CLCN1: variants seen among roughly 807,000 people sequenced by gnomAD.
CLCN1 encodes chloride voltage-gated channel 1.
Under a neutral mutation model 114.5 loss-of-function variants are expected in CLCN1, and 100 were observed. The observed-to-expected ratio is 0.87, with a 90% CI of 0.74 to 1.03. The LOEUF (loss-of-function observed/expected upper bound fraction) is 1.03. CLCN1 is among the 50% of genes least tolerant of loss of function. The pLI, the probability that CLCN1 is intolerant of heterozygous loss-of-function variation, is 0.00. For missense variants in CLCN1, 1,188 were observed against 1,250.0 expected, an observed-to-expected ratio of 0.95 and a Z score of 0.75; for synonymous variants, 485 against 487.1, an observed-to-expected ratio of 1.00 and a Z score of 0.06.
At chr7:143,336,125 G>A (rs1802880856) in intron 12 of CLCN1, among the ~76,000 whole-genome samples, 1 of 152,016 alleles carries the variant, frequency 6.6e-6, no homozygotes, top group South Asian at 2.1e-4. Flanking sequence ...TTGTTACCTA[G>A]TATCACTAAG....
At chr7:143,329,572 G>T (rs1258072192) in intron 7 of CLCN1, among the ~76,000 whole-genome samples, 1 of 152,100 alleles carries the variant, frequency 6.6e-6, no homozygotes, top group Non-Finnish European at 1.5e-5. Context: ...GGTGGTCCTG[G>T]GGGATTCAAG....
At chr7:143,320,137 T>C (rs1234712264) in intron 2 of CLCN1, among the ~76,000 whole-genome samples, 1 of 152,150 alleles carries the variant, frequency 6.6e-6, no homozygotes, top group Non-Finnish European at 1.5e-5. Flanking sequence ...TATAGGCACA[T>C]GCCACCATGC....
intron 12 of CLCN1, among the ~76,000 whole-genome samples, chr7:143,338,209 T>C (rs144704824): frequency 5.7e-4 from 87 of 152,270 alleles, no homozygotes; most frequent in African/African-American, 1.9e-3. Flanking sequence ...TCAATTTCTA[T>C]TGGAGTTCTA....
chr7:143,331,143 AG>A, intron 8 of CLCN1, 88 bp from the exon 9 acceptor site: 1 of 1,114,140 alleles, frequency 9.0e-7, no homozygotes, highest in Non-Finnish European at 1.4e-6. Context: ...GGAGGAAGGA[AG>A]GAATTAATCC....
intron 16 of CLCN1, among the ~76,000 whole-genome samples, chr7:143,343,900 C>A (rs374277119): frequency 6.6e-6 from 1 of 152,118 alleles, no homozygotes; most frequent in South Asian, 2.1e-4. Flanking sequence ...AGTGCAATGG[C>A]GCCATCTTGG....
At position 143,321,580 on chromosome 7, in the gene CLCN1, G is replaced by C. The variant is rs1802435898; in HGVS notation, c.562+87G>C. On this transcript the variant is annotated intron_variant, in intron 4 of 22. Transcript: ENST00000343257. This position sits in a 1 kb window ranked among gnomAD's most constrained non-coding sequence, Gnocchi z 4.2. ...CCCCCATCATCCAGCCCCACCCACA[G>C]CCCTGTGCTGCCTTGCCCCATCCTC... 6.2e-7 allele frequency: 1 copy of C among 1,607,498 alleles called. No homozygotes were observed. The highest frequency in any genetic ancestry group is 1.7e-4 in the Middle Eastern group (1 of 6,050).
intron 1 of CLCN1, among the ~76,000 whole-genome samples, chr7:143,317,240 A>G (rs1260613331): frequency 6.8e-6 from 1 of 147,892 alleles, no homozygotes; most frequent in Non-Finnish European, 1.5e-5. Context: ...GCAGTTGGCC[A>G]GAACTTTTTT....
At chr7:143,316,522 G>A (rs193023003) in intron 1 of CLCN1, 130 bp downstream of exon 1, 241 of 807,564 alleles carry the variant, frequency 3.0e-4, no homozygotes, top group African/African-American at 2.8e-3. Flanking sequence ...AAACAAGTAC[G>A]TGGTGATGTG....
In CLCN1 at chr7:143,350,621, G is replaced by A. The variant is rs1563090209; in HGVS notation, c.2562G>A (p.Met854Ile). 3 of 1,614,128 alleles carry A rather than the reference G, an allele frequency of 1.9e-6. No homozygotes were observed. Among genetic ancestry groups the A allele is most frequent in the Non-Finnish European group, 2.5e-6 (3 of 1,180,010 alleles). Residue 854 changes from methionine to isoleucine, a missense_variant, in exon 22 of 23, where the codon ATG becomes ATA. By Grantham distance (10) the Met-to-Ile change is conservative (BLOSUM62 1). Coordinates refer to ENST00000343257, the MANE Select transcript of CLCN1 (RefSeq NM_000083.3). This position sits in a 1 kb window ranked among gnomAD's most constrained non-coding sequence, Gnocchi z 5.1. The part of the protein sequence containing the change: ...LGLHLAYVTS[M>I]GKLRGVLALE... ...TCCACCTCGCTTACGTGACCAGCAT[G>A]GGGAAGCTCAGGGGCGTCCTGGCCC...
At position 143,346,257 on chromosome 7, in the gene CLCN1, G is replaced by T. The variant is rs751572848; in HGVS notation, c.2284+6G>T. 1.3e-6 allele frequency: 2 copies of T among 1,588,438 alleles called. No homozygotes were observed. The highest frequency in any genetic ancestry group is 1.1e-5 in the South Asian group (1 of 90,546). On this transcript the variant is annotated splice_donor_region_variant and intron_variant, in intron 18 of 22. Coordinates refer to ENST00000343257, the MANE Select transcript of CLCN1 (RefSeq NM_000083.3). ...GGAAGCACCAGAGCCTGCAGGTGAC[G>T]CTCTTCCCTCATGCACCCCAACTCA...
chr7:143,323,399 C>A lies in CLCN1; in HGVS notation c.774+13C>A, dbSNP rs764670429. On this transcript the variant is annotated intron_variant, in intron 6 of 22. Transcript: ENST00000343257. ...CGGGGTATATGAGGTAAGGTTGAGA[C>A]AGTGAAATGAGCTGGGGCCAGGTGG... is the stretch of plus-strand genomic sequence containing the variant. The A allele has an allele frequency of 1.9e-6, 3 of 1,592,864 alleles. No homozygotes were observed. The highest frequency in any genetic ancestry group is 2.6e-6 in the Non-Finnish European group (3 of 1,160,598).
rs755611007 is a variant in CLCN1, at chr7:143,342,555, G to A, written c.1930+50G>A. On this transcript the variant is annotated intron_variant, in intron 16 of 22. Coordinates refer to ENST00000343257, the MANE Select transcript of CLCN1 (RefSeq NM_000083.3). ...TCCAGAGCTAGTGACCTGAATAAGG[G>A]TCACATAGAGGTAGAGGAGGCCCCA... 2.5e-6 allele frequency: 4 copies of A among 1,603,764 alleles called. No homozygotes were observed. In the South Asian group the frequency reaches 4.4e-5, roughly 18 times the overall value.
intron 20 of CLCN1, 127 bp downstream of exon 20, chr7:143,347,076 A>T (rs541633833): frequency 7.7e-5 from 67 of 870,310 alleles, no homozygotes; most frequent in Admixed American, 6.4e-4. Context: ...GTGTTTTGAG[A>T]GGATGGAAAT....
At chr7:143,333,392 G>A (rs1332065508) in intron 12 of CLCN1, among the ~76,000 whole-genome samples, 1 of 151,890 alleles carries the variant, frequency 6.6e-6, no homozygotes, top group East Asian at 1.9e-4. Context: ...ACTTAGTGTT[G>A]TCTGGCATAG....
At chr7:143,345,859 T>C (rs769977762) in intron 17 of CLCN1, 97 bp downstream of exon 17, 2 of 1,509,796 alleles carry the variant, frequency 1.3e-6, no homozygotes, top group Non-Finnish European at 1.8e-6. Context: ...ACAGGCGTAG[T>C]TTCCCTGAAA....
chr7:143,325,960 A>G (rs932832143), intron 7 of CLCN1, among the ~76,000 whole-genome samples: 2 of 152,164 alleles, frequency 1.3e-5, no homozygotes, highest in African/African-American at 4.8e-5. Flanking sequence ...CGCTGTTTGT[A>G]TTATGTGGTA....
intron 20 of CLCN1, among the ~76,000 whole-genome samples, chr7:143,347,569 A>T (rs377154481): frequency 1.3e-5 from 2 of 149,726 alleles, no homozygotes; most frequent in South Asian, 4.3e-4. Flanking sequence ...TGCAGTGAGC[A>T]GAGACTGCAC....
At chr7:143,330,666 C>T (rs1802696295) in intron 7 of CLCN1, 106 bp from the exon 8 acceptor site, 1 of 1,467,492 alleles carries the variant, frequency 6.8e-7, no homozygotes, top group Non-Finnish European at 9.5e-7. Context: ...ACTGCTTCCA[C>T]CCAGATTCAT....
rs2242492 is a variant in CLCN1, at chr7:143,346,514, G to T, written c.2285-65G>T. The T allele has an allele frequency of 8.5e-6, 11 of 1,287,054 alleles. No individual in the cohort carries two copies. The East Asian group carries it at 1.4e-4, about 16-fold the overall frequency. 79.7% of individuals were successfully genotyped at this position (1,287,054 alleles called of 1,614,324 possible). ...CTTTGGAGGCAAATGTTAGGCACTG[G>T]GTGGGGCCCCTGGCCGTTTCCTGTT... On this transcript the variant is annotated intron_variant, in intron 18 of 22. Transcript: ENST00000343257.
Sources: allele counts gnomAD v4.1 joint callset (sites outside exome capture counted in the v4.1 genomes callset), GRCh38; gene constraint gnomAD v4.1.1; non-coding constraint Gnocchi (gnomAD v3.1); transcripts MANE v1.5; gene names NCBI Gene and HGNC (gene_info 2026-07-23, HGNC 2026-07-21).